The following HMGCLL1 variants were observed in gnomAD, a reference collection of about 807,000 sequenced individuals.
HMGCLL1 encodes the protein 3-hydroxymethyl-3-methylglutaryl-CoA lyase, cytoplasmic.
In HMGCLL1, 36 loss-of-function variants were observed where a neutral mutation model predicts 39.1. That is an observed-to-expected ratio of 0.92 (90% confidence interval 0.71 to 1.22). The LOEUF (loss-of-function observed/expected upper bound fraction) is 1.22. Among genes scored for constraint, HMGCLL1 ranks in the 50% most tolerant of loss-of-function variants. The probability of loss-of-function intolerance (pLI) is 0.00; values close to 1 mark genes in which losing one functional copy is unlikely to be tolerated. For synonymous variants in HMGCLL1, 149 were observed against 144.0 expected (o/e 1.03, Z -0.25); for missense variants, 451 against 416.5 (o/e 1.08, Z -0.72).
chr6:55,527,542 A>C (rs1768387256), intron 3 of HMGCLL1, among the ~76,000 whole-genome samples: 1 of 152,022 alleles, frequency 6.6e-6, no homozygotes, highest in Admixed American at 6.6e-5. Context: ...TTGAACCTAA[A>C]GCGACTGCAA....
chr6:55,621,052 A>G, the HMGCLL1 span, among the ~76,000 whole-genome samples: 62,137 of 151,858 alleles, frequency 0.41, 13,363 homozygotes, highest in Middle Eastern at 0.55. Context: ...GAACTCAGGT[A>G]ATGTGATTCT....
chr6:55,657,256 T>G, the HMGCLL1 span, among the ~76,000 whole-genome samples: 1 of 152,100 alleles, frequency 6.6e-6, no homozygotes, highest in African/African-American at 2.4e-5. Flanking sequence ...TTTGGTGTTT[T>G]CATGATGAAA....
At chr6:55,630,942 TTA>T in the HMGCLL1 span, among the ~76,000 whole-genome samples, 3 of 152,100 alleles carry the variant, frequency 2.0e-5, no homozygotes, top group Non-Finnish European at 4.4e-5. Context: ...CAGAGCTTCT[TTA>T]TATGTTACTA....
At position 55,476,813 on chromosome 6, in the gene HMGCLL1, C is replaced by A. The variant is rs1256654762; in HGVS notation, c.795+18606G>T. On this transcript the variant is annotated intron_variant, in intron 7 of 8. Coordinates refer to ENST00000274901, the MANE Select transcript of HMGCLL1 (RefSeq NM_001042406.2). ...ATAGATTTGGCTAGGAGTTTCTTTT[C>A]TTGTAATAATCTTGTAGGATTTGTG... Among the ~76,000 whole-genome samples the A allele has an allele frequency of 6.0e-5, 9 of 150,980 alleles. No homozygotes were observed. In the Admixed American group the frequency reaches 6.0e-4, roughly 10 times the overall value.
chr6:55,501,552 T>C (rs1766891572), intron 5 of HMGCLL1, among the ~76,000 whole-genome samples: 1 of 151,858 alleles, frequency 6.6e-6, no homozygotes, highest in Non-Finnish European at 1.5e-5. Context: ...TTCTCTTATT[T>C]GACAAGCGGC....
At chr6:55,540,949 G>C (rs1033779882) in intron 3 of HMGCLL1, among the ~76,000 whole-genome samples, 1 of 152,132 alleles carries the variant, frequency 6.6e-6, no homozygotes, top group Non-Finnish European at 1.5e-5. Context: ...AGATGACAGA[G>C]AAAGAGCAAT....
chr6:55,464,089 A>T (rs919473646), intron 7 of HMGCLL1, among the ~76,000 whole-genome samples: 4 of 152,194 alleles, frequency 2.6e-5, no homozygotes, highest in Admixed American at 2.0e-4. Flanking sequence ...ATTTTGAAAG[A>T]TATGCATGTT....
At chr6:55,544,964 C>T (rs1490367073) in intron 1 of HMGCLL1, among the ~76,000 whole-genome samples, 1 of 151,954 alleles carries the variant, frequency 6.6e-6, no homozygotes, top group African/African-American at 2.4e-5. Flanking sequence ...TACAAGATGC[C>T]TATAATTTCA....
At chr6:55,604,930 G>A in the HMGCLL1 span, among the ~76,000 whole-genome samples, 1 of 148,036 alleles carries the variant, frequency 6.8e-6, no homozygotes. Context: ...TAAAGTGCAT[G>A]GAAGTTAATT....
chr6:55,507,495 T>C (rs895219241), intron 5 of HMGCLL1, among the ~76,000 whole-genome samples: 1 of 81,012 alleles, frequency 1.2e-5, no homozygotes, highest in Admixed American at 1.2e-4. Flanking sequence ...TAATACTTCA[T>C]GTTCCATTTA....
intron 7 of HMGCLL1, among the ~76,000 whole-genome samples, chr6:55,473,621 G>A (rs894242206): frequency 6.6e-6 from 1 of 151,184 alleles, no homozygotes; most frequent in Non-Finnish European, 1.5e-5. Flanking sequence ...ACTTTGAACA[G>A]TTATTAATAG....
At chr6:55,643,832 T>C in the HMGCLL1 span, among the ~76,000 whole-genome samples, 2 of 152,022 alleles carry the variant, frequency 1.3e-5, no homozygotes, top group Non-Finnish European at 2.9e-5. Context: ...TTCTCTCAAA[T>C]CTTGGTTACT....
intron 7 of HMGCLL1, among the ~76,000 whole-genome samples, chr6:55,493,087 T>C (rs150023149): frequency 6.6e-6 from 1 of 150,464 alleles, no homozygotes; most frequent in Admixed American, 6.7e-5. Context: ...ACAATATATG[T>C]ATATATTAAT....
At chr6:55,644,411 G>C in the HMGCLL1 span, among the ~76,000 whole-genome samples, 5 of 151,826 alleles carry the variant, frequency 3.3e-5, no homozygotes, top group Non-Finnish European at 1.5e-5. Context: ...ATATGGTCCT[G>C]TTTGTCCATG....
At chr6:55,649,675 C>T in the HMGCLL1 span, among the ~76,000 whole-genome samples, 2 of 151,930 alleles carry the variant, frequency 1.3e-5, no homozygotes, top group East Asian at 3.9e-4. Context: ...ACTTTCTACC[C>T]CTATCTCTCT....
chr6:55,460,147 G>A (rs555478518), intron 7 of HMGCLL1, among the ~76,000 whole-genome samples: 2 of 152,068 alleles, frequency 1.3e-5, no homozygotes, highest in Non-Finnish European at 2.9e-5. Context: ...ATGCATGCAT[G>A]CCTCTGTAAT....
At chr6:55,656,535 C>T in the HMGCLL1 span, among the ~76,000 whole-genome samples, 8 of 152,006 alleles carry the variant, frequency 5.3e-5, no homozygotes, top group African/African-American at 1.9e-4. Flanking sequence ...TCCTTGATAT[C>T]TCTCTTTTCA....
At chr6:55,621,082 C>T in the HMGCLL1 span, among the ~76,000 whole-genome samples, 2 of 151,984 alleles carry the variant, frequency 1.3e-5, no homozygotes, top group African/African-American at 2.4e-5. Context: ...ATTCTTTTTG[C>T]TCAGGATGGC....
chr6:55,460,182 A>G (rs926913905), intron 7 of HMGCLL1, among the ~76,000 whole-genome samples: 3 of 152,008 alleles, frequency 2.0e-5, no homozygotes, highest in Non-Finnish European at 2.9e-5. Flanking sequence ...TAGAAATTTT[A>G]GAGAGGTGGG....
Sources: allele counts gnomAD v4.1 joint callset (sites outside exome capture counted in the v4.1 genomes callset), GRCh38; gene constraint gnomAD v4.1.1; transcripts MANE v1.5; gene names NCBI Gene and HGNC (gene_info 2026-07-23, HGNC 2026-07-21).